Variants in ANKRD35 observed in about 807,000 individuals in gnomAD.
ANKRD35 encodes the protein ankyrin repeat domain-containing protein 35.
ANKRD35 carries 102 observed loss-of-function variants against 109.9 expected under a neutral mutation model. That is an observed-to-expected ratio of 0.93 (90% CI 0.79 to 1.09). The LOEUF (loss-of-function observed/expected upper bound fraction) is 1.09, where lower values mean the gene tolerates loss of function less well. Ranked by LOEUF, ANKRD35 falls within the 50% of genes least tolerant of loss-of-function variation. ANKRD35 has a pLI of 0.00. For synonymous variants in ANKRD35, 515 were observed against 512.4 expected, an observed-to-expected ratio of 1.01 and a Z score of -0.07; for missense variants, 1,240 against 1,230.1, an observed-to-expected ratio of 1.01 and a Z score of -0.12.
intron 10 of ANKRD35, 80 bp from the exon 11 acceptor site, chr1:145,868,480 T>C: frequency 8.0e-7 from 1 of 1,243,436 alleles, no homozygotes; most frequent in Non-Finnish European, 1.2e-6. Flanking sequence ...TTCCTTTTAC[T>C]GAGTATTTAA....
At chr1:145,876,703 C>T in intron 5 of ANKRD35, 64 bp from the exon 6 acceptor site, 3 of 1,610,922 alleles carry the variant, frequency 1.9e-6, no homozygotes, top group Non-Finnish European at 2.5e-6. Context: ...TATGACCCAA[C>T]ATCCCCTCCG....
intron 10 of ANKRD35, 62 bp from the exon 11 acceptor site, chr1:145,868,462 A>G (rs1653686773): frequency 6.2e-6 from 9 of 1,461,700 alleles, no homozygotes; most frequent in South Asian, 5.8e-5. Context: ...ACAAGGGTCA[A>G]GGTCAGCTTC....
chr1:145,878,473 A>G lies in ANKRD35; in HGVS notation c.177T>C (p.His59=). 6.4e-7 allele frequency: 1 copy of G among 1,566,652 alleles called. No individual in the cohort carries two copies. The highest frequency in any genetic ancestry group is 8.7e-7 in the Non-Finnish European group (1 of 1,154,592). The part of the protein sequence containing the change: ...KLDSNGQSPF[H]LAASKGLTEC... Reference sequence around the variant, plus strand: ...CTGTCAGGCCTTTGGAGGCTGCCAGATGAAACCTGCCAGAATCAAGGCCGA... The same window carrying G: ...CTGTCAGGCCTTTGGAGGCTGCCAGGTGAAACCTGCCAGAATCAAGGCCGA... Residue 59 remains histidine, a synonymous_variant, in exon 3 of 14, where the codon CAT becomes CAC. Transcript: ENST00000355594.
In ANKRD35 at chr1:145,876,841, T is replaced by G. The variant is rs201868118; in HGVS notation, c.357A>C (p.Glu119Asp). 50 of 1,614,030 alleles carry G rather than the reference T, an allele frequency of 3.1e-5. No individual in the cohort carries two copies. Among genetic ancestry groups the G allele is most frequent in the Non-Finnish European group, 3.4e-5 (40 of 1,180,042 alleles). ...CTGCCCAGTGCAATGGACTACGGTTTTCTGCATCCACAGCATCTTCATTAG... is the reference window on the plus strand; with the variant it reads ...CTGCCCAGTGCAATGGACTACGGTTGTCTGCATCCACAGCATCTTCATTAG... ...HGANEDAVDA[E>D]NRSPLHWAAS... The change falls in exon 5 of 14, where the codon GAA becomes GAC. Residue 119 changes from glutamate (E) to aspartate (D), a missense_variant. Coordinates refer to ENST00000355594, the MANE Select transcript of ANKRD35 (RefSeq NM_144698.5).
chr1:145,881,822 C>T (rs1478194854), intron 1 of ANKRD35, among the ~76,000 whole-genome samples: 1 of 152,106 alleles, frequency 6.6e-6, no homozygotes, highest in African/African-American at 2.4e-5. Context: ...TTTAGATGTT[C>T]CTGGGCTCAG....
intron 7 of ANKRD35, 79 bp downstream of exon 7, chr1:145,876,061 A>C: frequency 8.0e-7 from 1 of 1,257,846 alleles, no homozygotes; most frequent in South Asian, 1.3e-5. Flanking sequence ...ACAAACACAC[A>C]CACACACACG....
chr1:145,881,271 G>A (rs1654275601), intron 1 of ANKRD35, among the ~76,000 whole-genome samples: 1 of 152,122 alleles, frequency 6.6e-6, no homozygotes, highest in Non-Finnish European at 1.5e-5. Context: ...GGTGACAAGA[G>A]CAAGACTCCA....
intron 4 of ANKRD35, among the ~76,000 whole-genome samples, chr1:145,877,737 C>G (rs1187174243): frequency 6.6e-6 from 1 of 152,158 alleles, no homozygotes; most frequent in South Asian, 2.1e-4. Context: ...ATGACAAAAT[C>G]GATAGTGCCT....
rs781797440 is a variant in ANKRD35, at chr1:145,873,809, T to C, written c.960A>G (p.Thr320=). The change falls in exon 10 of 14, where the codon ACA becomes ACG. Residue 320 remains threonine, a synonymous_variant. Transcript: ENST00000355594. ...CTGCAGCTTGAGTCTTACACTCTTC[T>C]GTCTTTTGCACCAGCTCCTGCTCCA... is the stretch of plus-strand genomic sequence containing the variant. ...VRLEQELVQK[T]EECKTQAAAY... The C allele has an allele frequency of 1.2e-6, 2 of 1,609,156 alleles. No homozygotes were observed. The highest frequency in any genetic ancestry group is 1.7e-6 in the Non-Finnish European group (2 of 1,177,502).
chr1:145,873,988 A>T lies in ANKRD35; in HGVS notation c.784-3T>A, dbSNP rs990705865. On this transcript the variant is annotated splice_region_variant and splice_polypyrimidine_tract_variant and intron_variant, in intron 9 of 13. Coordinates refer to ENST00000355594, the MANE Select transcript of ANKRD35 (RefSeq NM_144698.5). The stretch of plus-strand genomic sequence containing the variant: ...GCCTGGGGCTCAGATGGAGAGGCCT[A>T]TGTTGGAAACAGAATAGTAAAGTGT... The T allele has an allele frequency of 1.9e-6, 3 of 1,613,526 alleles. No individual in the cohort carries two copies. In the African/African-American group the frequency reaches 4.0e-5, roughly 22 times the overall value.
chr1:145,871,349 G>T (rs975111230), intron 10 of ANKRD35, among the ~76,000 whole-genome samples: 1 of 151,508 alleles, frequency 6.6e-6, no homozygotes, highest in African/African-American at 2.4e-5. Context: ...TTTTAGTGGA[G>T]ACCGGGTTTC....
At position 145,874,164 on chromosome 1, in the gene ANKRD35, G is replaced by A. The variant is rs782375889; in HGVS notation, c.774C>T (p.Leu258=). ...GGQRLVQHPD[L]ASQASPSEPQ... The stretch of plus-strand genomic sequence containing the variant: ...GCACTTAGGGTCTTACCTGGGATGC[G>A]AGATCTGGGTGCTGGACTAGCCTCT... Residue 258 remains leucine, a synonymous_variant, in exon 9 of 14, where the codon CTC becomes CTT. Coordinates refer to ENST00000355594, the MANE Select transcript of ANKRD35 (RefSeq NM_144698.5). 11 of 1,614,036 alleles carry A rather than the reference G, an allele frequency of 6.8e-6. No individual in the cohort carries two copies. Among genetic ancestry groups the A allele is most frequent in the Admixed American group, 6.7e-5 (4 of 59,986 alleles).
intron 1 of ANKRD35, 121 bp downstream of exon 1, chr1:145,885,599 T>G: frequency 8.2e-7 from 1 of 1,214,296 alleles, no homozygotes; most frequent in South Asian, 1.3e-5. Flanking sequence ...CTTGCAAGAC[T>G]AGAAGAGCTA....
chr1:145,879,257 C>G lies in ANKRD35; in HGVS notation c.170+1G>C. 1 of 1,602,538 alleles carries G rather than the reference C, an allele frequency of 6.2e-7. No individual in the cohort carries two copies. The highest frequency in any genetic ancestry group is 8.5e-7 in the Non-Finnish European group (1 of 1,174,750). On this transcript the variant is annotated splice_donor_variant, in intron 2 of 13. Coordinates refer to ENST00000355594, the MANE Select transcript of ANKRD35 (RefSeq NM_144698.5). LOFTEE classifies it high-confidence loss of function. ...GGGCAGGGGCAGGAGGACTGACTTACGGGGACTGGCCATTCGAGTCAAGCT... is the reference window on the plus strand; with the variant it reads ...GGGCAGGGGCAGGAGGACTGACTTAGGGGGACTGGCCATTCGAGTCAAGCT...
chr1:145,881,411 T>G lies in ANKRD35; in HGVS notation c.40-2023A>C, dbSNP rs1047971000. Among the ~76,000 whole-genome samples, 3 of 152,182 alleles carry G rather than the reference T, an allele frequency of 2.0e-5. No individual in the cohort carries two copies. In the South Asian group the frequency reaches 6.2e-4, roughly 32 times the overall value. ...TTATTTCCAGATAAACAGTCTCAAG[T>G]TGCCTCCAGGGCAAAGCCACCCACC... is the stretch of plus-strand genomic sequence containing the variant. On this transcript the variant is annotated intron_variant, in intron 1 of 13. Transcript: ENST00000355594.
intron 8 of ANKRD35, 52 bp from the exon 9 acceptor site, chr1:145,874,244 TC>T: frequency 1.9e-6 from 3 of 1,583,160 alleles, no homozygotes; most frequent in Non-Finnish European, 2.6e-6. Context: ...TCCATGTACT[TC>T]CAGCCCACAT....
chr1:145,876,050 C>CACAA, intron 7 of ANKRD35, 90 bp downstream of exon 7: 1 of 1,164,950 alleles, frequency 8.6e-7, no homozygotes, highest in Non-Finnish European at 1.2e-6. Context: ...CCCCAACACA[C>CACAA]ACAAACACAC....
rs34686883 is a variant in ANKRD35 at position 145,883,076 on chromosome 1, A to ATT, written c.39+2642_39+2643dup. ...GTTGTAATTGCAGTAGACAGTACCA[A>ATT]TTTTTTTTTTTTTTTTTTTTTTTTT... On this transcript the variant is annotated intron_variant, in intron 1 of 13. Transcript: ENST00000355594. 8.6e-3 allele frequency among the ~76,000 whole-genome samples: 719 copies of ATT among 83,374 alleles called. 3 individuals are homozygous for ATT. Among genetic ancestry groups the ATT allele is most frequent in the Non-Finnish European group, 0.011 (464 of 41,132 alleles). The allele number at this position is 83,374 out of a possible 152,430, so 54.7% of individuals were successfully genotyped here.
chr1:145,872,555 A>G lies in ANKRD35; in HGVS notation c.2214T>C (p.Asp738=). Residue 738 remains aspartate (D), a synonymous_variant, in exon 10 of 14, where the codon GAT becomes GAC. Coordinates refer to ENST00000355594, the MANE Select transcript of ANKRD35 (RefSeq NM_144698.5). ...GCACCTGCTGGGCCTCCCGGTGCCG[A>G]TCCACCAGGGTGCTGATGCAGGCCC... ...ELRACISTLV[D]RHREAQQVLA... 6.2e-7 allele frequency: 1 copy of G among 1,609,980 alleles called. No individual in the cohort carries two copies. The highest frequency in any genetic ancestry group is 1.1e-5 in the South Asian group (1 of 90,654).
Sources: gnomAD v4.1 joint callset for allele counts (sites outside exome capture counted in the v4.1 genomes callset) on GRCh38, gnomAD v4.1.1 for gene constraint, MANE v1.5 for transcripts, NCBI Gene and HGNC (gene_info 2026-07-23, HGNC 2026-07-21) for gene names.